Variants in TRPM8 observed in about 807,000 individuals in gnomAD.
The protein encoded by TRPM8 is TRPM8 cationic channel.
A neutral mutation model predicts 133.7 loss-of-function variants in TRPM8; 110 were observed. The observed-to-expected ratio is 0.82, with a 90% CI of 0.70 to 0.96. TRPM8 has a LOEUF of 0.96. Ranked by LOEUF, TRPM8 falls within the 40% of genes least tolerant of loss-of-function variation. The pLI is 0.00. For missense variants in TRPM8, 1,291 were observed against 1,379.5 expected (o/e 0.94, Z 1.02); for synonymous variants, 535 against 532.3 (o/e 1.01, Z -0.07).
intron 22 of TRPM8, among the ~76,000 whole-genome samples, chr2:233,998,223 G>A (rs1163748153): frequency 1.3e-5 from 2 of 152,084 alleles, no homozygotes; most frequent in Non-Finnish European, 1.5e-5. Flanking sequence ...AGGGGCTCCT[G>A]AACATCTTTA....
intron 4 of TRPM8, 63 bp from the exon 5 acceptor site, chr2:233,938,935 T>A (rs1690831011): frequency 6.4e-7 from 1 of 1,555,608 alleles, no homozygotes; most frequent in African/African-American, 1.4e-5. Flanking sequence ...TGGGAGGGAA[T>A]GCTAAACCCC....
intron 7 of TRPM8, 33 bp downstream of exon 7, chr2:233,946,063 T>C: frequency 1.3e-6 from 2 of 1,588,740 alleles, no homozygotes; most frequent in South Asian, 2.3e-5. Context: ...ACTAGAAGTG[T>C]ACAATAACCA....
chr2:233,981,862 A>G lies in TRPM8; in HGVS notation c.2536A>G (p.Ile846Val). The change falls in exon 19 of 26, where the codon ATT becomes GTT. Residue 846 changes from isoleucine to valine, a missense_variant. Transcript: ENST00000324695. ...TATTTTCACTCTAAGATTGATCCAC[A>G]TTTTTACTGTAAGCAGAAACTTAGG... ...YIIFTLRLIH[I>V]FTVSRNLGPK... 6.2e-7 allele frequency: 1 copy of G among 1,613,816 alleles called. No individual in the cohort carries two copies. Among genetic ancestry groups the G allele is most frequent in the Non-Finnish European group, 8.5e-7 (1 of 1,179,950 alleles).
intron 3 of TRPM8, among the ~76,000 whole-genome samples, chr2:233,931,644 T>C (rs986249529): frequency 2.0e-5 from 3 of 152,236 alleles, no homozygotes; most frequent in Admixed American, 6.5e-5. Context: ...CCTCATGGGT[T>C]GTGGTATTCA....
At chr2:233,947,214 A>G in intron 8 of TRPM8, 59 bp downstream of exon 8, 1 of 1,602,848 alleles carries the variant, frequency 6.2e-7, no homozygotes, top group Non-Finnish European at 8.5e-7. Context: ...ACAAATTTGT[A>G]TTTTCAAGGA....
chr2:233,967,017 C>G (rs1691593834), intron 15 of TRPM8, among the ~76,000 whole-genome samples: 1 of 152,188 alleles, frequency 6.6e-6, no homozygotes, highest in South Asian at 2.1e-4. Flanking sequence ...TGAGCTGTGT[C>G]TCTGGATCCC....
chr2:233,958,599 C>T (rs1559528652), intron 11 of TRPM8, among the ~76,000 whole-genome samples: 1 of 152,108 alleles, frequency 6.6e-6, no homozygotes, highest in Admixed American at 6.6e-5. Flanking sequence ...AGTGGAAAGG[C>T]CATTGGATTT....
In TRPM8 at chr2:234,018,372, G is replaced by T. The variant is rs891998419; in HGVS notation, c.*1116G>T. 4 of 151,650 alleles carry T rather than the reference G, an allele frequency of 2.6e-5. No homozygotes were observed. The highest frequency in any genetic ancestry group is 9.7e-5 in the African/African-American group (4 of 41,306). The allele number at this position is 151,650 out of a possible 1,614,324, so 9.4% of individuals were successfully genotyped here. A position where few individuals can be genotyped will look rare whatever the true frequency, so the allele number is the denominator to read the frequency against. The stretch of plus-strand genomic sequence containing the variant: ...AGCATCTTTGTGCATGAATCCTATT[G>T]CTGTATTTGGGAAAATTTTCCAAGG... On this transcript the variant is annotated 3_prime_UTR_variant, in exon 26 of 26. Coordinates refer to ENST00000324695, the MANE Select transcript of TRPM8 (RefSeq NM_024080.5).
At chr2:233,955,058 T>C (rs1190184025) in intron 10 of TRPM8, 74 bp from the exon 11 acceptor site, 16 of 1,058,422 alleles carry the variant, frequency 1.5e-5, no homozygotes, top group Non-Finnish European at 2.3e-5. Context: ...GCTCTGATAA[T>C]TGGCCACACT....
At chr2:233,941,890 G>A (rs1419912185) in intron 5 of TRPM8, among the ~76,000 whole-genome samples, 2 of 151,994 alleles carry the variant, frequency 1.3e-5, no homozygotes, top group Non-Finnish European at 2.9e-5. Flanking sequence ...CAACCAATAT[G>A]GGGGTCCAGG....
At chr2:233,990,156 T>C (rs1411106045) in intron 21 of TRPM8, among the ~76,000 whole-genome samples, 6 of 152,360 alleles carry the variant, frequency 3.9e-5, no homozygotes. Context: ...CAATAGCTAA[T>C]ATTTATTGAA....
intron 5 of TRPM8, among the ~76,000 whole-genome samples, chr2:233,940,983 C>G (rs934016163): frequency 6.6e-6 from 1 of 152,160 alleles, no homozygotes; most frequent in African/African-American, 2.4e-5. Flanking sequence ...CAGAAAATGG[C>G]AGGTGTTAGC....
chr2:233,933,447 G>T (rs1181025612), intron 3 of TRPM8, among the ~76,000 whole-genome samples: 1 of 152,138 alleles, frequency 6.6e-6, no homozygotes, highest in African/African-American at 2.4e-5. Context: ...TTGGTCCAAG[G>T]GGGTAGAACT....
Position 233,948,480 on chromosome 2 carries a change from T to A in TRPM8, c.942+1325T>A, listed in dbSNP as rs191655314. 1.4e-3 allele frequency among the ~76,000 whole-genome samples: 211 copies of A among 152,272 alleles called. 1 individual carries two copies. The highest frequency in any genetic ancestry group is 3.4e-3 in the Middle Eastern group (1 of 294). On this transcript the variant is annotated intron_variant, in intron 8 of 25. Coordinates refer to ENST00000324695, the MANE Select transcript of TRPM8 (RefSeq NM_024080.5). ...AATTGCAAGCTCCAGCATAAATGGC[T>A]CAAATCTGCAAAAGCAGCCACATCA...
chr2:234,015,874 C>G (rs763639546), intron 25 of TRPM8, among the ~76,000 whole-genome samples: 1 of 152,198 alleles, frequency 6.6e-6, no homozygotes, highest in Non-Finnish European at 1.5e-5. Flanking sequence ...GAAACACATG[C>G]CATCTTGTTT....
chr2:233,928,974 G>C (rs1034431352), intron 2 of TRPM8, among the ~76,000 whole-genome samples: 2 of 148,306 alleles, frequency 1.3e-5, no homozygotes, highest in Admixed American at 1.3e-4. Flanking sequence ...TGTACTATGA[G>C]TATTTTTTTG....
chr2:233,983,442 A>G (rs1434690018), intron 20 of TRPM8: 5 of 559,350 alleles, frequency 8.9e-6, no homozygotes, highest in Admixed American at 6.2e-5. Flanking sequence ...CAATTTTTAA[A>G]CCTTTTTAAA....
chr2:233,977,801 A>T (rs766908294), intron 17 of TRPM8, among the ~76,000 whole-genome samples: 2 of 152,216 alleles, frequency 1.3e-5, no homozygotes, highest in Non-Finnish European at 1.5e-5. Context: ...ATTGGCAGAG[A>T]CAACTGTAGC....
At chr2:233,952,492 C>A (rs186467436) in intron 9 of TRPM8, among the ~76,000 whole-genome samples, 1 of 151,842 alleles carries the variant, frequency 6.6e-6, no homozygotes, top group African/African-American at 2.4e-5. Flanking sequence ...GTGGGAACAG[C>A]ATGTGCAAAG....
Sources: gnomAD v4.1 joint callset for allele counts (sites outside exome capture counted in the v4.1 genomes callset) on GRCh38, gnomAD v4.1.1 for gene constraint, MANE v1.5 for transcripts, NCBI Gene and HGNC (gene_info 2026-07-23, HGNC 2026-07-21) for gene names.